ADAM10: variants seen among roughly 807,000 people sequenced by gnomAD.
ADAM10 encodes disintegrin and metalloproteinase domain-containing protein 10.
A neutral mutation model predicts 90.1 loss-of-function variants in ADAM10; 17 were observed. The observed-to-expected ratio is 0.19, with a 90% confidence interval of 0.13 to 0.28. The LOEUF is 0.28. ADAM10 is among the 10% of genes least tolerant of loss of function. ADAM10 has a pLI of 1.00. For synonymous variants in ADAM10, 310 were observed against 298.6 expected (o/e 1.04, Z -0.40); for missense variants, 610 against 914.3 (o/e 0.67, Z 4.29).
intron 9 of ADAM10, chr15:58,629,135 A>G (rs1015163899): frequency 6.6e-6 from 1 of 152,266 alleles, no homozygotes; most frequent in African/African-American, 2.4e-5. Flanking sequence ...TCTTGATGTC[A>G]TCACAGAATA....
chr15:58,647,246 G>GTTTTTT lies in ADAM10; in HGVS notation c.586-1043_586-1042insAAAAAA, dbSNP rs1323960397. On this transcript the variant is annotated intron_variant, in intron 5 of 15. Coordinates refer to ENST00000260408, the MANE Select transcript of ADAM10 (RefSeq NM_001110.4). ...CTTGGCAGCAAAGAGTAGACACTAAGTATTTTTTTTTTTTTTTTTTTTTTT... is the reference window on the plus strand; with the variant it reads ...CTTGGCAGCAAAGAGTAGACACTAAGTTTTTTTATTTTTTTTTTTTTTTTTTTTTTT... Among the ~76,000 whole-genome samples, 317 of 36,798 alleles carry GTTTTTT rather than the reference G, an allele frequency of 8.6e-3. 22 individuals are homozygous for GTTTTTT. Among genetic ancestry groups the GTTTTTT allele is most frequent in the Admixed American group, 0.069 (239 of 3,460 alleles). 24.1% of individuals were successfully genotyped at this position (36,798 alleles called of 152,430 possible). A position where few individuals can be genotyped will look rare whatever the true frequency, so the allele number is the denominator to read the frequency against.
At position 58,592,907 on chromosome 15, in the gene ADAM10, C is replaced by T. The variant is rs1190970040; in HGVS notation, c.*4640G>A. On this transcript the variant is annotated 3_prime_UTR_variant, in exon 16 of 16. Coordinates refer to ENST00000260408, the MANE Select transcript of ADAM10 (RefSeq NM_001110.4). ...TTTCATTATTAGGCTGAGGATTTTC[C>T]TAAGAATTGTTTAAAATTCTTTAGA... 6.7e-6 allele frequency: 1 copy of T among 150,068 alleles called. No individual in the cohort carries two copies. Among genetic ancestry groups the T allele is most frequent in the East Asian group, 1.9e-4 (1 of 5,166 alleles). 9.3% of individuals were successfully genotyped at this position (150,068 alleles called of 1,614,324 possible).
chr15:58,667,509 T>C (rs910535766), intron 4 of ADAM10, among the ~76,000 whole-genome samples: 1 of 152,136 alleles, frequency 6.6e-6, no homozygotes, highest in South Asian at 2.1e-4. Flanking sequence ...GACCCTCTAA[T>C]AGTCAAAACT....
Position 58,610,691 on chromosome 15 carries a change from T to C in ADAM10, c.1805-174A>G, listed in dbSNP as rs1281472550. Reference sequence around the variant, plus strand: ...AACGCCATCAGTAATTCATATTAAATGTTACAATGTAAACAAGCAACCAGC... The same window carrying C: ...AACGCCATCAGTAATTCATATTAAACGTTACAATGTAAACAAGCAACCAGC... On this transcript the variant is annotated intron_variant, in intron 13 of 15. Coordinates refer to ENST00000260408, the MANE Select transcript of ADAM10 (RefSeq NM_001110.4). 1.4e-5 allele frequency: 10 copies of C among 706,564 alleles called. 1 individual carries two copies. The highest frequency in any genetic ancestry group is 2.5e-6 in the Non-Finnish European group (1 of 405,702). 43.8% of individuals were successfully genotyped at this position (706,564 alleles called of 1,614,324 possible). A position where few individuals can be genotyped will look rare whatever the true frequency, so the allele number is the denominator to read the frequency against.
intron 1 of ADAM10, among the ~76,000 whole-genome samples, chr15:58,742,146 G>A (rs527822838): frequency 5.3e-5 from 8 of 152,172 alleles, no homozygotes; most frequent in South Asian, 4.2e-4. Flanking sequence ...GTGGCTTCAC[G>A]ACTCCTAACA....
chr15:58,605,543 G>C (rs1394471582), intron 14 of ADAM10, among the ~76,000 whole-genome samples: 1 of 152,144 alleles, frequency 6.6e-6, no homozygotes, highest in Non-Finnish European at 1.5e-5. Flanking sequence ...AACTAGGGTA[G>C]TAAATGTAAA....
intron 1 of ADAM10, among the ~76,000 whole-genome samples, chr15:58,728,674 T>C (rs531546443): frequency 6.6e-6 from 1 of 152,232 alleles, no homozygotes; most frequent in Non-Finnish European, 1.5e-5. Context: ...GATATAAAAT[T>C]TATAAAGTTA....
intron 1 of ADAM10, among the ~76,000 whole-genome samples, chr15:58,744,419 T>C (rs1272670379): frequency 1.3e-5 from 2 of 152,134 alleles, no homozygotes; most frequent in Non-Finnish European, 2.9e-5. Flanking sequence ...GAAGGTAACA[T>C]CTTCAAAGTT....
intron 2 of ADAM10, chr15:58,693,074 C>T (rs754501850): frequency 1.9e-5 from 14 of 747,438 alleles, no homozygotes; most frequent in Non-Finnish European, 3.5e-5. Flanking sequence ...GAGATCAACT[C>T]CTGAAGGAAA....
intron 2 of ADAM10, among the ~76,000 whole-genome samples, chr15:58,683,075 G>A (rs1324180762): frequency 6.6e-6 from 1 of 152,140 alleles, no homozygotes; most frequent in African/African-American, 2.4e-5. Flanking sequence ...TATACACCTT[G>A]TAAAATTACT....
intron 11 of ADAM10, among the ~76,000 whole-genome samples, chr15:58,614,947 AAAAG>A (rs1337169816): frequency 6.6e-5 from 10 of 152,174 alleles, no homozygotes; most frequent in Admixed American, 5.2e-4. Flanking sequence ...ATGAGAGAAA[AAAAG>A]AAAGAAGAAT....
chr15:58,749,655 G>A lies in ADAM10; in HGVS notation c.-121C>T. Reference sequence around the variant, plus strand: ...CCACGGGAAGCCGGGACCTCCCCTGGCAGGAGAAACGGCGAAGCACCTCCC... The same window carrying A: ...CCACGGGAAGCCGGGACCTCCCCTGACAGGAGAAACGGCGAAGCACCTCCC... On this transcript the variant is annotated 5_prime_UTR_variant, in exon 1 of 16. Transcript: ENST00000260408. The A allele has an allele frequency of 1.3e-6, 2 of 1,500,204 alleles. No individual in the cohort carries two copies. The allele number at this position is 1,500,204 out of a possible 1,614,324, so 92.9% of individuals were successfully genotyped here. A position where few individuals can be genotyped will look rare whatever the true frequency, so the allele number is the denominator to read the frequency against.
intron 3 of ADAM10, among the ~76,000 whole-genome samples, chr15:58,679,989 T>A (rs1356406998): frequency 6.6e-6 from 1 of 152,174 alleles, no homozygotes; most frequent in African/African-American, 2.4e-5. Context: ...ACTTTCAGAA[T>A]AAAGACATCC....
intron 11 of ADAM10, among the ~76,000 whole-genome samples, chr15:58,612,644 C>T (rs1029361217): frequency 2.6e-5 from 4 of 152,148 alleles, no homozygotes; most frequent in South Asian, 2.1e-4. Context: ...CCTCCATCCC[C>T]GGTGACCCAA....
intron 1 of ADAM10, among the ~76,000 whole-genome samples, chr15:58,743,353 T>C (rs1261309827): frequency 6.6e-6 from 1 of 152,158 alleles, no homozygotes; most frequent in Non-Finnish European, 1.5e-5. Context: ...CCACACAAAC[T>C]ACATTTCTGG....
At position 58,651,258 on chromosome 15, in the gene ADAM10, C is replaced by A. The variant is rs369008568; in HGVS notation, c.586-5054G>T. On this transcript the variant is annotated intron_variant, in intron 5 of 15. Coordinates refer to ENST00000260408, the MANE Select transcript of ADAM10 (RefSeq NM_001110.4). ...TTTATCCTTTTTGTTACAAAAAATA[C>A]AATTACACTCTTTTAGTTATTTTAA... Among the ~76,000 whole-genome samples the A allele has an allele frequency of 3.9e-5, 6 of 152,210 alleles. No individual in the cohort carries two copies. The East Asian group carries it at 9.6e-4, about 24-fold the overall frequency.
At chr15:58,649,465 T>C (rs1896630395) in intron 5 of ADAM10, among the ~76,000 whole-genome samples, 1 of 152,182 alleles carries the variant, frequency 6.6e-6, no homozygotes. Context: ...AGTTAGCATT[T>C]GAGCCCGCAA....
chr15:58,628,540 G>C (rs1896013748), intron 9 of ADAM10, among the ~76,000 whole-genome samples: 1 of 152,182 alleles, frequency 6.6e-6, no homozygotes, highest in Non-Finnish European at 1.5e-5. Flanking sequence ...GTTCGGTTTT[G>C]ATAAATTTTA....
At chr15:58,729,071 A>G (rs1899135339) in intron 1 of ADAM10, among the ~76,000 whole-genome samples, 1 of 152,206 alleles carries the variant, frequency 6.6e-6, no homozygotes, top group Non-Finnish European at 1.5e-5. Context: ...ATAAAAGAAA[A>G]TATGAGCCAT....
Sources: gnomAD v4.1 joint callset for allele counts (sites outside exome capture counted in the v4.1 genomes callset) on GRCh38, gnomAD v4.1.1 for gene constraint, MANE v1.5 for transcripts, NCBI Gene and HGNC (gene_info 2026-07-23, HGNC 2026-07-21) for gene names.